The following WASL variants were observed in gnomAD, a reference collection of about 807,000 sequenced individuals.
The protein encoded by WASL is WASP like actin nucleation promoting factor.
In WASL, 20 loss-of-function variants were observed where a neutral mutation model predicts 55.5. The ratio of observed to expected loss-of-function variants is 0.36; its 90% CI spans 0.25 to 0.52. The LOEUF is 0.52. WASL is among the 20% of genes least tolerant of loss of function. The pLI, the probability that WASL is intolerant of heterozygous loss-of-function variation, is 0.92. For missense variants in WASL, 504 were observed against 622.5 expected (o/e 0.81, Z 2.03); for synonymous variants, 249 against 217.6 (o/e 1.14, Z -1.27).
At chr7:123,702,103 G>A (rs186912731) in intron 5 of WASL, among the ~76,000 whole-genome samples, 2 of 151,912 alleles carry the variant, frequency 1.3e-5, no homozygotes, top group Admixed American at 1.3e-4. Context: ...TGCCCAGGCT[G>A]GAGTGCAATG....
chr7:123,690,779 T>C (rs748269774), intron 9 of WASL, among the ~76,000 whole-genome samples: 5 of 152,008 alleles, frequency 3.3e-5, no homozygotes, highest in Non-Finnish European at 7.4e-5. Flanking sequence ...AGAAACAAAG[T>C]TGGTTTGTGA....
chr7:123,738,640 T>A (rs147834702), intron 1 of WASL, among the ~76,000 whole-genome samples: 160 of 152,318 alleles, frequency 1.1e-3, no homozygotes, highest in African/African-American at 3.7e-3. Flanking sequence ...CCTGGACAAT[T>A]GGTAGTGGTT....
rs1183691243 is a variant in WASL, at chr7:123,706,714, T to C, written c.339+26A>G. Reference sequence around the variant, plus strand: ...AGGCAAGCAATGAAAAAAGTAAAGATGGCAATAAAGAAAAATATGACTTAC... The same window carrying C: ...AGGCAAGCAATGAAAAAAGTAAAGACGGCAATAAAGAAAAATATGACTTAC... On this transcript the variant is annotated intron_variant, in intron 3 of 10. Coordinates refer to ENST00000223023, the MANE Select transcript of WASL (RefSeq NM_003941.4). 4 of 1,469,074 alleles carry C rather than the reference T, an allele frequency of 2.7e-6. No individual in the cohort carries two copies. In the African/African-American group the frequency reaches 5.7e-5, roughly 21 times the overall value. 91.0% of individuals were successfully genotyped at this position (1,469,074 alleles called of 1,614,324 possible).
At chr7:123,748,578 G>A (rs897089520) in intron 1 of WASL, 40 bp downstream of exon 1, 14 of 1,596,342 alleles carry the variant, frequency 8.8e-6, no homozygotes, top group Non-Finnish European at 1.2e-5. Flanking sequence ...GGGCCCGTGA[G>A]GTAATGTCAC....
intron 1 of WASL, among the ~76,000 whole-genome samples, chr7:123,716,563 C>T (rs1382410872): frequency 6.6e-6 from 1 of 151,322 alleles, no homozygotes; most frequent in East Asian, 2.0e-4. Flanking sequence ...TTTAACATTA[C>T]TAGTGGAGCC....
intron 10 of WASL, among the ~76,000 whole-genome samples, chr7:123,685,624 A>G (rs1803274460): frequency 6.6e-6 from 1 of 151,838 alleles, no homozygotes; most frequent in African/African-American, 2.4e-5. Context: ...TACTTTATCT[A>G]TTAAGCTCCA....
intron 5 of WASL, among the ~76,000 whole-genome samples, chr7:123,700,036 C>T (rs939760277): frequency 6.6e-6 from 1 of 151,576 alleles, no homozygotes; most frequent in South Asian, 2.1e-4. Context: ...ATTATCCGGG[C>T]ATGGTGGCGC....
intron 1 of WASL, among the ~76,000 whole-genome samples, chr7:123,742,633 C>G (rs1347783580): frequency 1.3e-5 from 2 of 152,050 alleles, no homozygotes; most frequent in African/African-American, 4.8e-5. Context: ...ATAATTCCAT[C>G]TTAACCAAAA....
chr7:123,697,969 A>G (rs1803518041), intron 5 of WASL, among the ~76,000 whole-genome samples: 1 of 152,024 alleles, frequency 6.6e-6, no homozygotes, highest in Non-Finnish European at 1.5e-5. Flanking sequence ...TTTAGACAAC[A>G]TTTCACAAGT....
intron 1 of WASL, among the ~76,000 whole-genome samples, chr7:123,730,590 T>C (rs981832441): frequency 2.0e-5 from 3 of 151,296 alleles, no homozygotes; most frequent in Non-Finnish European, 4.4e-5. Context: ...AGAGAGACAA[T>C]GGAATCACAT....
chr7:123,729,255 A>C lies in WASL; in HGVS notation c.117+19363T>G, dbSNP rs536110055. ...TAATCAATATTAAATGAAATAGTTT[A>C]CATTTTTTTTTGCACTAAGTCTTAG... On this transcript the variant is annotated intron_variant, in intron 1 of 10. Transcript: ENST00000223023. 3.3e-5 allele frequency among the ~76,000 whole-genome samples: 5 copies of C among 152,292 alleles called. No individual in the cohort carries two copies. In the South Asian group the frequency reaches 1.0e-3, roughly 32 times the overall value.
In WASL at chr7:123,746,177, T is replaced by A. The variant is rs142167003; in HGVS notation, c.117+2441A>T. ...CCTCTTACACATCACTCTGAAGCACTGACTTATCAGTTTACACGTTTCCCT... is the reference window on the plus strand; with the variant it reads ...CCTCTTACACATCACTCTGAAGCACAGACTTATCAGTTTACACGTTTCCCT... On this transcript the variant is annotated intron_variant, in intron 1 of 10. Transcript: ENST00000223023. Among the ~76,000 whole-genome samples the A allele has an allele frequency of 5.3e-5, 8 of 152,338 alleles. No homozygotes were observed. The East Asian group carries it at 1.5e-3, about 29-fold the overall frequency.
At chr7:123,724,159 G>C (rs573230437) in intron 1 of WASL, among the ~76,000 whole-genome samples, 3 of 152,094 alleles carry the variant, frequency 2.0e-5, no homozygotes, top group Middle Eastern at 3.2e-3. Flanking sequence ...ATTTGAAAAC[G>C]TAACAGGTTC....
intron 1 of WASL, among the ~76,000 whole-genome samples, chr7:123,718,630 A>C (rs1803887385): frequency 6.6e-6 from 1 of 152,138 alleles, no homozygotes; most frequent in African/African-American, 2.4e-5. Context: ...CCTAGCCTCA[A>C]GTGATCCTCC....
intron 1 of WASL, among the ~76,000 whole-genome samples, chr7:123,742,097 C>T (rs1804351964): frequency 6.6e-6 from 1 of 152,190 alleles, no homozygotes; most frequent in Non-Finnish European, 1.5e-5. Flanking sequence ...GTGAAAGAGA[C>T]ACTGTTCAAA....
intron 9 of WASL, among the ~76,000 whole-genome samples, chr7:123,689,700 T>G (rs11983604): frequency 0.75 from 113,556 of 151,758 alleles, 42,812 homozygotes; most frequent in South Asian, 0.83. Context: ...GATGAGTTGA[T>G]CAACTTTCAA....
chr7:123,694,060 C>CT (rs1803455360), intron 8 of WASL, among the ~76,000 whole-genome samples: 1 of 152,096 alleles, frequency 6.6e-6, no homozygotes, highest in South Asian at 2.1e-4. Flanking sequence ...GGAGCTTTTG[C>CT]TTAACTACAC....
Position 123,711,295 on chromosome 7 carries a change from C to A in WASL, c.118-2072G>T, listed in dbSNP as rs1480837871. Among the ~76,000 whole-genome samples the A allele has an allele frequency of 2.6e-5, 4 of 151,764 alleles. No homozygotes were observed. In the East Asian group the frequency reaches 5.8e-4, roughly 22 times the overall value. ...AAAAACAAAACAAAACAAAAAAAAACCCAAACTAAAAAACATTTTAACCTT... is the reference window on the plus strand; with the variant it reads ...AAAAACAAAACAAAACAAAAAAAAAACCAAACTAAAAAACATTTTAACCTT... On this transcript the variant is annotated intron_variant, in intron 1 of 10. Transcript: ENST00000223023.
intron 1 of WASL, among the ~76,000 whole-genome samples, chr7:123,747,464 C>T (rs1008131544): frequency 6.6e-6 from 1 of 152,184 alleles, no homozygotes; most frequent in African/African-American, 2.4e-5. Flanking sequence ...AGGGTGGACT[C>T]CTATGAAGTT....
Sources: gnomAD v4.1 joint callset for allele counts (sites outside exome capture counted in the v4.1 genomes callset) on GRCh38, gnomAD v4.1.1 for gene constraint, MANE v1.5 for transcripts, NCBI Gene and HGNC (gene_info 2026-07-23, HGNC 2026-07-21) for gene names.